The following NKD1 variants were observed in gnomAD, a reference collection of about 807,000 sequenced individuals.
The protein encoded by NKD1 is protein naked cuticle homolog 1.
Under a neutral mutation model 56.0 loss-of-function variants are expected in NKD1, and 21 were observed. The observed-to-expected ratio is 0.38, with a 90% CI of 0.27 to 0.54. The LOEUF (loss-of-function observed/expected upper bound fraction) is 0.54. Among genes scored for constraint, NKD1 ranks in the 20% least tolerant of loss-of-function variants. The pLI is 0.82. For missense variants in NKD1, 578 were observed against 642.7 expected, an observed-to-expected ratio of 0.90 and a Z score of 1.09; for synonymous variants, 263 against 265.7, an observed-to-expected ratio of 0.99 and a Z score of 0.10.
intron 3 of NKD1, 28 bp downstream of exon 3, chr16:50,549,583 C>G: frequency 6.5e-7 from 1 of 1,537,984 alleles, no homozygotes; most frequent in Non-Finnish European, 8.8e-7. Flanking sequence ...TGCCCCACCT[C>G]CTGGCCTCCT....
At chr16:50,621,897 C>T (rs1456163759) in intron 5 of NKD1, among the ~76,000 whole-genome samples, 189 bp downstream of exon 5, 5 of 152,238 alleles carry the variant, frequency 3.3e-5, no homozygotes, top group Non-Finnish European at 7.3e-5. Context: ...CCCAGGGACT[C>T]ACCGCTGCCC....
chr16:50,577,202 T>C (rs78476951), intron 3 of NKD1, among the ~76,000 whole-genome samples: 63 of 152,334 alleles, frequency 4.1e-4, no homozygotes, highest in Non-Finnish European at 6.6e-4. Flanking sequence ...CCCTCACTTG[T>C]TGATGGAGAT....
rs1962383529 is a variant in NKD1 at position 50,633,169 on chromosome 16, A to G, written c.824-23A>G. 1 of 1,578,704 alleles carries G rather than the reference A, an allele frequency of 6.3e-7. No individual in the cohort carries two copies. Among genetic ancestry groups the G allele is most frequent in the Non-Finnish European group, 8.6e-7 (1 of 1,159,366 alleles). ...CCAGCACACAGTAGGTGCTCATTAA[A>G]TGTCTGTTGAATTGGTTCCTAGGCT... On this transcript the variant is annotated intron_variant, in intron 9 of 9. Coordinates refer to ENST00000268459, the MANE Select transcript of NKD1 (RefSeq NM_033119.5). The surrounding 1 kb of genome is among the most constrained non-coding windows in gnomAD (Gnocchi z 4.9).
At chr16:50,591,015 G>A (rs1185772666) in intron 3 of NKD1, among the ~76,000 whole-genome samples, 1 of 151,942 alleles carries the variant, frequency 6.6e-6, no homozygotes, top group African/African-American at 2.4e-5. Flanking sequence ...TAGAGACGGA[G>A]TTTAACCTTG....
rs1008543554 is a variant in NKD1, at chr16:50,598,752, G to A, written c.193-9542G>A. Among the ~76,000 whole-genome samples, 3 of 152,166 alleles carry A rather than the reference G, an allele frequency of 2.0e-5. No homozygotes were observed. Among genetic ancestry groups the A allele is most frequent in the Non-Finnish European group, 2.9e-5 (2 of 68,024 alleles). On this transcript the variant is annotated intron_variant, in intron 3 of 9. Coordinates refer to ENST00000268459, the MANE Select transcript of NKD1 (RefSeq NM_033119.5). This position sits in a 1 kb window ranked among gnomAD's most constrained non-coding sequence, Gnocchi z 4.2. Reference sequence around the variant, plus strand: ...AGTGGCTGGGCTAGTCAGCAGTGTGGCAGGTGGTGGCATGGTGGGGCCAGT... The same window carrying A: ...AGTGGCTGGGCTAGTCAGCAGTGTGACAGGTGGTGGCATGGTGGGGCCAGT...
At chr16:50,577,876 G>A (rs1180536358) in intron 3 of NKD1, among the ~76,000 whole-genome samples, 1 of 152,214 alleles carries the variant, frequency 6.6e-6, no homozygotes, top group African/African-American at 2.4e-5. Context: ...AGGAGGTGGT[G>A]ACTGATCTGA....
At position 50,630,106 on chromosome 16, in the gene NKD1, G is replaced by A. The variant is rs540667829; in HGVS notation, c.463-80G>A. On this transcript the variant is annotated intron_variant, in intron 6 of 9. Coordinates refer to ENST00000268459, the MANE Select transcript of NKD1 (RefSeq NM_033119.5). ...AGCCAGAGGGGTTCAGGCCTGCAGCGTCCACCAGGCCCTCTGGTTTGTATT... is the reference window on the plus strand; with the variant it reads ...AGCCAGAGGGGTTCAGGCCTGCAGCATCCACCAGGCCCTCTGGTTTGTATT... The A allele has an allele frequency of 1.2e-4, 161 of 1,350,504 alleles. No homozygotes were observed. In the African/African-American group the frequency reaches 1.8e-3, roughly 15 times the overall value. 83.7% of individuals were successfully genotyped at this position (1,350,504 alleles called of 1,614,324 possible). A position where few individuals can be genotyped will look rare whatever the true frequency, so the allele number is the denominator to read the frequency against.
chr16:50,608,502 T>C, intron 4 of NKD1, 142 bp downstream of exon 4: 1 of 687,766 alleles, frequency 1.5e-6, no homozygotes. Context: ...GGGGGTGGAC[T>C]AGAGGGTGGG....
chr16:50,642,250 T>G lies in NKD1; in HGVS notation c.*8469T>G, dbSNP rs546561895. 6.6e-6 allele frequency: 1 copy of G among 152,262 alleles called. No individual in the cohort carries two copies. The highest frequency in any genetic ancestry group is 2.4e-5 in the African/African-American group (1 of 41,462). 9.4% of individuals were successfully genotyped at this position (152,262 alleles called of 1,614,324 possible). A position where few individuals can be genotyped will look rare whatever the true frequency, so the allele number is the denominator to read the frequency against. Reference sequence around the variant, plus strand: ...TCTCAGGCCAGGCTCTGTCTGTGGATTCCCACTTCTCTGGGCTGCATCTCA... The same window carrying G: ...TCTCAGGCCAGGCTCTGTCTGTGGAGTCCCACTTCTCTGGGCTGCATCTCA... On this transcript the variant is annotated 3_prime_UTR_variant, in exon 10 of 10. Transcript: ENST00000268459.
intron 3 of NKD1, among the ~76,000 whole-genome samples, chr16:50,566,432 G>A (rs897415931): frequency 6.6e-5 from 10 of 152,208 alleles, no homozygotes; most frequent in African/African-American, 1.2e-4. Flanking sequence ...AAACCCAGGC[G>A]GAGCTCCCAT....
In NKD1 at chr16:50,577,321, TAA is replaced by T. The variant is rs546304973; in HGVS notation, c.192+27771_192+27772del. ...AGTTTTCATAAGTCATTCTTTATTT[TAA>T]AAAATCACTTTATTGAGATATGATT... is the stretch of plus-strand genomic sequence containing the variant. On this transcript the variant is annotated intron_variant, in intron 3 of 9. Coordinates refer to ENST00000268459, the MANE Select transcript of NKD1 (RefSeq NM_033119.5). Among the ~76,000 whole-genome samples the T allele has an allele frequency of 1.4e-3, 213 of 152,250 alleles. 3 individuals carry two copies. Among genetic ancestry groups the T allele is most frequent in the African/African-American group, 4.5e-3 (188 of 41,550 alleles).
intron 3 of NKD1, among the ~76,000 whole-genome samples, chr16:50,569,722 G>C (rs1960840555): frequency 6.6e-6 from 1 of 152,218 alleles, no homozygotes; most frequent in Non-Finnish European, 1.5e-5. Context: ...CTCCCACTTA[G>C]ATTGTAGGCT....
rs1013712928 is a variant in NKD1, at chr16:50,574,927, T to A, written c.192+25372T>A. ...GAATTTATGGAAGCCTTGGAAACTTTTTCCTTTTCCCTTTAAACATCAGAA... is the reference window on the plus strand; with the variant it reads ...GAATTTATGGAAGCCTTGGAAACTTATTCCTTTTCCCTTTAAACATCAGAA... On this transcript the variant is annotated intron_variant, in intron 3 of 9. Coordinates refer to ENST00000268459, the MANE Select transcript of NKD1 (RefSeq NM_033119.5). The A allele has an allele frequency of 8.1e-6, 8 of 985,174 alleles. No individual in the cohort carries two copies. In the African/African-American group the frequency reaches 1.2e-4, roughly 15 times the overall value. The allele number at this position is 985,174 out of a possible 1,614,324, so 61.0% of individuals were successfully genotyped here.
In NKD1 at chr16:50,589,694, TTTCTC is replaced by T. The variant is rs58760004; in HGVS notation, c.193-18533_193-18529del. The stretch of plus-strand genomic sequence containing the variant: ...GCCTTTGCTGAATGCTTTCTTTTCT[TTTCTC>T]TTCTCTTCTCTTCTCTTCTCTTCTC... On this transcript the variant is annotated intron_variant, in intron 3 of 9. Coordinates refer to ENST00000268459, the MANE Select transcript of NKD1 (RefSeq NM_033119.5). Among the ~76,000 whole-genome samples, 605 of 120,618 alleles carry T rather than the reference TTTCTC, an allele frequency of 5.0e-3. 24 individuals are homozygous for T. The highest frequency in any genetic ancestry group is 0.013 in the Middle Eastern group (3 of 238). The allele number at this position is 120,618 out of a possible 152,430, so 79.1% of individuals were successfully genotyped here.
chr16:50,626,747 C>T (rs1962225109), intron 6 of NKD1, among the ~76,000 whole-genome samples: 1 of 151,904 alleles, frequency 6.6e-6, no homozygotes. Flanking sequence ...CTGTCCCTCT[C>T]TGATGACCTG....
At chr16:50,597,458 A>G (rs1961498411) in intron 3 of NKD1, among the ~76,000 whole-genome samples, 1 of 152,214 alleles carries the variant, frequency 6.6e-6, no homozygotes, top group African/African-American at 2.4e-5. Flanking sequence ...TTCAGTATAA[A>G]AGGGTTGAAT....
intron 4 of NKD1, chr16:50,613,729 ATGTTTTAACTT>A (rs1461042268): frequency 9.7e-6 from 1 of 103,520 alleles, no homozygotes; most frequent in African/African-American, 3.8e-5. Flanking sequence ...ATTTCATCAC[ATGTTTTAACTT>A]GGGTGGGGGC....
chr16:50,593,820 A>C (rs923951669), intron 3 of NKD1, among the ~76,000 whole-genome samples: 2 of 152,158 alleles, frequency 1.3e-5, no homozygotes, highest in African/African-American at 4.8e-5. Flanking sequence ...CTACACAGTG[A>C]TCTGTTATCT....
At chr16:50,626,144 C>T (rs775098439) in intron 6 of NKD1, among the ~76,000 whole-genome samples, 1 of 152,226 alleles carries the variant, frequency 6.6e-6, no homozygotes, top group Non-Finnish European at 1.5e-5. Flanking sequence ...TCTTCCTTAT[C>T]CCTCTGCAGG....
Sources: allele counts gnomAD v4.1 joint callset (sites outside exome capture counted in the v4.1 genomes callset), GRCh38; gene constraint gnomAD v4.1.1; non-coding constraint Gnocchi (gnomAD v3.1); transcripts MANE v1.5; gene names NCBI Gene and HGNC (gene_info 2026-07-23, HGNC 2026-07-21).